Variants in TBC1D10A observed in about 807,000 individuals in gnomAD.
TBC1D10A encodes TBC1 domain family member 10A, also known as EBP50-PDX interactor of 64 kDa.
A neutral mutation model predicts 52.9 loss-of-function variants in TBC1D10A; 24 were observed. That is an observed-to-expected ratio of 0.45 (90% CI 0.33 to 0.64). TBC1D10A has a LOEUF of 0.64. Among genes scored for constraint, TBC1D10A ranks in the 30% least tolerant of loss-of-function variants. The pLI is 0.02. For synonymous variants in TBC1D10A, 278 were observed against 282.9 expected, an observed-to-expected ratio of 0.98 and a Z score of 0.17; for missense variants, 602 against 687.9, an observed-to-expected ratio of 0.88 and a Z score of 1.40.
At chr22:30,313,623 G>A (rs572762862) in intron 1 of TBC1D10A, among the ~76,000 whole-genome samples, 2 of 120,794 alleles carry the variant, frequency 1.7e-5, no homozygotes, top group Admixed American at 1.1e-4. Flanking sequence ...GGATGGTCTC[G>A]ATCTCCTGAC....
In TBC1D10A at chr22:30,312,591, C is replaced by CA. The variant is rs542663177; in HGVS notation, c.210-7962dup. On this transcript the variant is annotated intron_variant, in intron 1 of 8. Transcript: ENST00000215790. ...AACAACAACAACAACAAAAACAACA[C>CA]AAAAAACAAAGAAACTTCAGGCCCT... 2.0e-3 allele frequency among the ~76,000 whole-genome samples: 304 copies of CA among 152,242 alleles called. 3 individuals are homozygous for CA. Among genetic ancestry groups the CA allele is most frequent in the African/African-American group, 7.0e-3 (289 of 41,536 alleles).
chr22:30,311,370 G>A (rs1345796537), intron 1 of TBC1D10A, among the ~76,000 whole-genome samples: 1 of 152,198 alleles, frequency 6.6e-6, no homozygotes, highest in Admixed American at 6.5e-5. Flanking sequence ...AAGAGGGTCT[G>A]CAGCAGCCTG....
At position 30,308,288 on chromosome 22, in the gene TBC1D10A, C is replaced by CTGCATGCCTGCCTGCT. The variant is rs1569162137; in HGVS notation, c.210-3659_210-3658insAGCAGGCAGGCATGCA. On this transcript the variant is annotated intron_variant, in intron 1 of 8. Transcript: ENST00000215790. ...CTCAGCCTCCACACAGCCTGCATGC[C>CTGCATGCCTGCCTGCT]TGCATGCCTGCATGCCTGCCTGCCT... Among the ~76,000 whole-genome samples, 2 of 144,674 alleles carry CTGCATGCCTGCCTGCT rather than the reference C, an allele frequency of 1.4e-5. 1 individual carries two copies. The highest frequency in any genetic ancestry group is 4.0e-4 in the East Asian group (2 of 4,964). The allele number at this position is 144,674 out of a possible 152,430, so 94.9% of individuals were successfully genotyped here.
chr22:30,324,514 G>A (rs2145788809), intron 1 of TBC1D10A, among the ~76,000 whole-genome samples: 1 of 152,304 alleles, frequency 6.6e-6, no homozygotes, highest in African/African-American at 2.4e-5. Flanking sequence ...TCCCGGGTTT[G>A]TGGTTGTGGG....
rs114852134 is a variant in TBC1D10A, at chr22:30,316,913, C to T, written c.209+9760G>A. Among the ~76,000 whole-genome samples the T allele has an allele frequency of 1.9e-3, 296 of 152,248 alleles. 3 individuals are homozygous for T. The highest frequency in any genetic ancestry group is 6.8e-3 in the African/African-American group (283 of 41,534). ...AAGTAGCCAGGCATGGTGGCTTCAG[C>T]CTGTAATCCCAGCTACTCAGGAGGC... On this transcript the variant is annotated intron_variant, in intron 1 of 8. Coordinates refer to ENST00000215790, the MANE Select transcript of TBC1D10A (RefSeq NM_031937.3).
At chr22:30,317,413 AAAAACAAAAC>A (rs200568124) in intron 1 of TBC1D10A, among the ~76,000 whole-genome samples, 12 of 152,070 alleles carry the variant, frequency 7.9e-5, no homozygotes, top group South Asian at 2.1e-4. Flanking sequence ...TCCATCTCAA[AAAAACAAAAC>A]AAAACAAAAC....
At chr22:30,315,708 T>C (rs952336658) in intron 1 of TBC1D10A, among the ~76,000 whole-genome samples, 3 of 152,214 alleles carry the variant, frequency 2.0e-5, no homozygotes, top group Non-Finnish European at 2.9e-5. Context: ...TCTCCGAACT[T>C]ATGCTCCTTC....
intron 8 of TBC1D10A, chr22:30,293,284 G>C (rs1352774128): frequency 1.7e-6 from 1 of 601,650 alleles, no homozygotes; most frequent in Non-Finnish European, 3.2e-6. Context: ...TTCCTCATGT[G>C]TAAAAGCTGG....
intron 2 of TBC1D10A, among the ~76,000 whole-genome samples, chr22:30,303,134 C>T (rs997748365): frequency 2.6e-5 from 4 of 152,102 alleles, no homozygotes; most frequent in East Asian, 1.9e-4. Context: ...TACAAAAATT[C>T]GCCACGTGTG....
At position 30,326,708 on chromosome 22, in the gene TBC1D10A, G is replaced by A. The variant is rs1000873586; in HGVS notation, c.174C>T (p.Phe58=). Residue 58 remains phenylalanine (F), a synonymous_variant, in exon 1 of 9, where the codon TTC becomes TTT. Transcript: ENST00000215790. The part of the protein sequence containing the change: ...NGFAERRIDK[F]GFIVGSQGAE... The stretch of plus-strand genomic sequence containing the variant: ...CGCCCTGCGAGCCCACGATGAAGCC[G>A]AACTTGTCGATGCGGCGCTCGGCGA... 3.9e-6 allele frequency: 6 copies of A among 1,546,222 alleles called. No individual in the cohort carries two copies. The Admixed American group carries it at 7.5e-5, about 19-fold the overall frequency.
chr22:30,295,642 G>C (rs2097919), intron 4 of TBC1D10A, 95 bp downstream of exon 4: 1 of 1,241,180 alleles, frequency 8.1e-7, no homozygotes, highest in African/African-American at 1.5e-5. Context: ...TGGGGGCACC[G>C]AGCTTCTAAA....
rs1930046649 is a variant in TBC1D10A at position 30,295,046 on chromosome 22, G to A, written c.534C>T (p.Asp178=). ...TGTAGGCCTTCAGCACACGGAATAGGTCCTGCTGGCTGTGGAGAGGCCGGG... is the reference window on the plus strand; with the variant it reads ...TGTAGGCCTTCAGCACACGGAATAGATCCTGCTGGCTGTGGAGAGGCCGGG... ...FVSRGGHGQQ[D]LFRVLKAYTL... is the part of the protein sequence containing the mutation. The change falls in exon 5 of 9, where the codon GAC becomes GAT. Residue 178 remains aspartate, a synonymous_variant. Transcript: ENST00000215790. 4 of 1,613,870 alleles carry A rather than the reference G, an allele frequency of 2.5e-6. No homozygotes were observed. The highest frequency in any genetic ancestry group is 2.5e-6 in the Non-Finnish European group (3 of 1,180,014).
intron 1 of TBC1D10A, among the ~76,000 whole-genome samples, chr22:30,324,431 A>T (rs1405458923): frequency 6.6e-6 from 1 of 152,202 alleles, no homozygotes; most frequent in Non-Finnish European, 1.5e-5. Flanking sequence ...AGGAGAGAGG[A>T]CTGGAGCTGG....
chr22:30,294,387 T>G (rs576375358), intron 6 of TBC1D10A, among the ~76,000 whole-genome samples: 36 of 152,302 alleles, frequency 2.4e-4, no homozygotes, highest in African/African-American at 8.4e-4. Context: ...AGGACTGCTC[T>G]CAAGCATGTG....
intron 4 of TBC1D10A, 114 bp from the exon 5 acceptor site, chr22:30,295,169 A>C: frequency 1.0e-6 from 1 of 1,001,964 alleles, no homozygotes; most frequent in Non-Finnish European, 1.5e-6. Context: ...CTTGAGAGGG[A>C]AGGTGATCTG....
chr22:30,298,695 A>G (rs1447015698), intron 3 of TBC1D10A: 3 of 152,282 alleles, frequency 2.0e-5, no homozygotes, highest in African/African-American at 4.8e-5. Context: ...AGGGAATCCA[A>G]CTGCTTCCCC....
At chr22:30,301,982 G>A (rs1353815265) in intron 2 of TBC1D10A, among the ~76,000 whole-genome samples, 3 of 152,206 alleles carry the variant, frequency 2.0e-5, no homozygotes, top group African/African-American at 7.2e-5. Flanking sequence ...CAAAGCCACA[G>A]GCCCTTCAGG....
Position 30,323,992 on chromosome 22 carries a change from G to A in TBC1D10A, c.209+2681C>T, listed in dbSNP as rs565762113. ...TCTCAAAAAAAAAAGATCCCTTACA[G>A]TGCAGTCTATGGTTTTTTTAATCTA... is the stretch of plus-strand genomic sequence containing the variant. On this transcript the variant is annotated intron_variant, in intron 1 of 8. Coordinates refer to ENST00000215790, the MANE Select transcript of TBC1D10A (RefSeq NM_031937.3). Among the ~76,000 whole-genome samples the A allele has an allele frequency of 1.6e-4, 24 of 152,154 alleles. No individual in the cohort carries two copies. The South Asian group carries it at 4.3e-3, about 28-fold the overall frequency.
In TBC1D10A at chr22:30,295,043, T is replaced by C; in HGVS notation, c.537A>G (p.Leu179=). The part of the protein sequence containing the change: ...VSRGGHGQQD[L]FRVLKAYTLY... ...GCGTGTAGGCCTTCAGCACACGGAA[T>C]AGGTCCTGCTGGCTGTGGAGAGGCC... Residue 179 remains leucine (L), a synonymous_variant, in exon 5 of 9, where the codon CTA becomes CTG. Transcript: ENST00000215790. The C allele has an allele frequency of 6.2e-7, 1 of 1,613,902 alleles. No homozygotes were observed. Among genetic ancestry groups the C allele is most frequent in the African/African-American group, 1.3e-5 (1 of 75,040 alleles).
Sources: allele counts gnomAD v4.1 joint callset (sites outside exome capture counted in the v4.1 genomes callset), GRCh38; gene constraint gnomAD v4.1.1; transcripts MANE v1.5; gene names NCBI Gene and HGNC (gene_info 2026-07-23, HGNC 2026-07-21).